The following C2orf42 variants were observed in gnomAD, a reference collection of about 807,000 sequenced individuals.
The protein encoded by C2orf42 is chromosome 2 open reading frame 42.
Under a neutral mutation model 58.9 loss-of-function variants are expected in C2orf42, and 44 were observed. That is an observed-to-expected ratio of 0.75 (90% CI 0.59 to 0.96). C2orf42 has a LOEUF of 0.96. C2orf42 is among the 40% of genes least tolerant of loss of function. C2orf42 has a pLI of 0.00. For missense variants in C2orf42, 630 were observed against 699.2 expected, an observed-to-expected ratio of 0.90 and a Z score of 1.12; for synonymous variants, 239 against 265.4, an observed-to-expected ratio of 0.90 and a Z score of 0.97.
chr2:70,189,715 C>CAAA, intron 1 of C2orf42, among the ~76,000 whole-genome samples: 1 of 72,308 alleles, frequency 1.4e-5, no homozygotes, highest in African/African-American at 4.2e-5. Flanking sequence ...GACTCCGTCT[C>CAAA]AAAAAAAAAA....
chr2:70,173,667 C>T (rs1260503464), intron 5 of C2orf42, among the ~76,000 whole-genome samples: 1 of 152,036 alleles, frequency 6.6e-6, no homozygotes, highest in East Asian at 1.9e-4. Flanking sequence ...TCCTGTTACC[C>T]GTGCAGTGGT....
intron 9 of C2orf42, among the ~76,000 whole-genome samples, chr2:70,152,836 C>T (rs933854178): frequency 6.6e-6 from 1 of 152,136 alleles, no homozygotes; most frequent in African/African-American, 2.4e-5. Context: ...AGTTCGAGAC[C>T]AGCCTGATCA....
At position 70,156,087 on chromosome 2, in the gene C2orf42, G is replaced by A. The variant is rs538693517; in HGVS notation, c.1516+4538C>T. 1.7e-3 allele frequency among the ~76,000 whole-genome samples: 261 copies of A among 152,126 alleles called. 2 individuals carry two copies. Among genetic ancestry groups the A allele is most frequent in the African/African-American group, 5.9e-3 (244 of 41,514 alleles). On this transcript the variant is annotated intron_variant, in intron 9 of 9. Coordinates refer to ENST00000264434, the MANE Select transcript of C2orf42 (RefSeq NM_017880.3). ...GAACAATCTCTTGAACCCGGGAGGC[G>A]GAGGTTGCGGTGAGCCGAGATTGCC...
intron 9 of C2orf42, among the ~76,000 whole-genome samples, chr2:70,156,609 C>T (rs1254490177): frequency 6.6e-6 from 1 of 152,048 alleles, no homozygotes; most frequent in Non-Finnish European, 1.5e-5. Flanking sequence ...CCTGTAATCT[C>T]AGCACTTTGG....
intron 4 of C2orf42, among the ~76,000 whole-genome samples, chr2:70,178,796 G>A (rs375722771): frequency 1.1e-4 from 16 of 151,566 alleles, no homozygotes; most frequent in South Asian, 4.2e-4. Flanking sequence ...TTAACTGGGC[G>A]TGCACCCTTA....
intron 8 of C2orf42, 116 bp downstream of exon 8, chr2:70,164,976 G>GA (rs1673302527): frequency 2.0e-6 from 1 of 508,254 alleles, no homozygotes; most frequent in Non-Finnish European, 3.6e-6. Flanking sequence ...CTCTTAGCAT[G>GA]AAAAAAAGAA....
chr2:70,187,342 C>G (rs1675013180), intron 1 of C2orf42, among the ~76,000 whole-genome samples: 1 of 152,136 alleles, frequency 6.6e-6, no homozygotes, highest in South Asian at 2.1e-4. Context: ...CCTCCGCCTC[C>G]CGGGTTCAAG....
intron 4 of C2orf42, among the ~76,000 whole-genome samples, chr2:70,176,042 TC>T (rs1674169574): frequency 6.6e-6 from 1 of 152,204 alleles, no homozygotes; most frequent in Non-Finnish European, 1.5e-5. Flanking sequence ...CGATGACTTT[TC>T]TAGTGAACTG....
chr2:70,170,169 T>C (rs1385649489), intron 5 of C2orf42, among the ~76,000 whole-genome samples: 1 of 133,214 alleles, frequency 7.5e-6, no homozygotes, highest in African/African-American at 3.1e-5. Flanking sequence ...GAAGTGTTAA[T>C]AAGTTTGTCC....
At chr2:70,185,792 CACACAT>C (rs1401475477) in intron 1 of C2orf42, among the ~76,000 whole-genome samples, 13 of 149,800 alleles carry the variant, frequency 8.7e-5, no homozygotes, top group Non-Finnish European at 1.8e-4. Context: ...TATATACACA[CACACAT>C]ATATATATAT....
intron 3 of C2orf42, among the ~76,000 whole-genome samples, chr2:70,179,898 C>G (rs929936173): frequency 6.6e-6 from 1 of 151,844 alleles, no homozygotes; most frequent in African/African-American, 2.4e-5. Flanking sequence ...GTGATTATGT[C>G]ACTGCATGCC....
intron 9 of C2orf42, among the ~76,000 whole-genome samples, chr2:70,158,138 G>A (rs1271602534): frequency 6.6e-6 from 1 of 151,544 alleles, no homozygotes; most frequent in African/African-American, 2.4e-5. Context: ...GATGGAGGGT[G>A]TAGTGAGCCA....
intron 9 of C2orf42, among the ~76,000 whole-genome samples, chr2:70,154,822 C>T (rs1390744519): frequency 6.6e-6 from 1 of 152,132 alleles, no homozygotes; most frequent in African/African-American, 2.4e-5. Context: ...GTGACACAAT[C>T]ATGGCTCACT....
chr2:70,167,823 G>T (rs1020748539), intron 6 of C2orf42, among the ~76,000 whole-genome samples: 2 of 152,158 alleles, frequency 1.3e-5, no homozygotes, highest in South Asian at 2.1e-4. Context: ...CTGGACAAAG[G>T]TGGTAGTAAT....
At chr2:70,179,457 TTCAG>T (rs1401526323) in intron 4 of C2orf42, 71 bp downstream of exon 4, 9 of 533,368 alleles carry the variant, frequency 1.7e-5, no homozygotes, top group Middle Eastern at 2.9e-4. Flanking sequence ...ATTGCTGAGG[TTCAG>T]TCAAAGACAT....
intron 5 of C2orf42, among the ~76,000 whole-genome samples, chr2:70,174,077 G>T (rs1041119314): frequency 5.9e-5 from 9 of 152,132 alleles, no homozygotes; most frequent in Non-Finnish European, 1.0e-4. Context: ...TGAGGCTGAG[G>T]TGAGCAGATC....
At chr2:70,163,877 A>G (rs1053680534) in intron 8 of C2orf42, among the ~76,000 whole-genome samples, 8 of 151,502 alleles carry the variant, frequency 5.3e-5, no homozygotes, top group Non-Finnish European at 1.0e-4. Flanking sequence ...AAAACATAAA[A>G]TGTCTAGTGT....
intron 3 of C2orf42, 82 bp from the exon 4 acceptor site, chr2:70,179,724 T>C (rs1306034399): frequency 1.9e-6 from 1 of 518,034 alleles, no homozygotes; most frequent in Non-Finnish European, 3.5e-6. Context: ...GAAAAGTTAA[T>C]TTCTTTTTAA....
At chr2:70,190,135 A>C (rs1184752291) in intron 1 of C2orf42, 1 of 152,230 alleles carries the variant, frequency 6.6e-6, no homozygotes, top group African/African-American at 2.4e-5. Flanking sequence ...CTATATCGAA[A>C]GCATATACAA....
Sources: gnomAD v4.1 joint callset for allele counts (sites outside exome capture counted in the v4.1 genomes callset) on GRCh38, gnomAD v4.1.1 for gene constraint, MANE v1.5 for transcripts, NCBI Gene and HGNC (gene_info 2026-07-23, HGNC 2026-07-21) for gene names.